The following ARID3B variants were observed in gnomAD, a reference collection of about 807,000 sequenced individuals.
The protein encoded by ARID3B is AT-rich interactive domain-containing protein 3B.
In ARID3B, 10 loss-of-function variants were observed where a neutral mutation model predicts 51.9. The observed-to-expected ratio is 0.19, with a 90% CI of 0.12 to 0.33. ARID3B has a LOEUF of 0.33. ARID3B is among the 10% of genes least tolerant of loss of function. The pLI is 1.00. For synonymous variants in ARID3B, 205 were observed against 279.5 expected, an observed-to-expected ratio of 0.73 and a Z score of 2.66; for missense variants, 483 against 716.3, an observed-to-expected ratio of 0.67 and a Z score of 3.72.
intron 4 of ARID3B, among the ~76,000 whole-genome samples, chr15:74,588,951 C>T (rs1258203253): frequency 1.3e-5 from 2 of 148,622 alleles, no homozygotes; most frequent in Admixed American, 6.8e-5. Context: ...GCGGGGCACA[C>T]GAGAGAGAAA....
rs1420119689 is a variant in ARID3B, at chr15:74,595,678, C to G, written c.1587C>G (p.Ser529Arg). The change falls in exon 9 of 9, where the codon AGC (serine) becomes AGG (arginine). Residue 529 changes from serine (S) to arginine (R), a missense_variant. By Grantham distance (110) the Ser-to-Arg change is moderately radical (BLOSUM62 -1). Transcript: ENST00000346246. The stretch of plus-strand genomic sequence containing the variant: ...GGTCTGCTCCCCAGAGCCTCGGCAG[C>G]AGCGCCAGCAGCAGCAGCAGCTCTC... ...ITGSAPQSLGSSASSSSSSHC... is the reference protein window; with the variant it reads ...ITGSAPQSLGRSASSSSSSHC... 6.2e-7 allele frequency: 1 copy of G among 1,613,296 alleles called. No individual in the cohort carries two copies. Among genetic ancestry groups the G allele is most frequent in the East Asian group, 2.2e-5 (1 of 44,874 alleles).
chr15:74,579,604 T>G lies in ARID3B; in HGVS notation c.697+6400T>G, dbSNP rs114535002. On this transcript the variant is annotated intron_variant, in intron 4 of 8. Transcript: ENST00000346246. ...AGAAGAAAAGCCCCTTTAGCAGTTT[T>G]CTATCAAAGTAATTGTATGAAACAT... Among the ~76,000 whole-genome samples the G allele has an allele frequency of 3.4e-3, 519 of 152,302 alleles. 4 individuals are homozygous for G. The highest frequency in any genetic ancestry group is 0.012 in the African/African-American group (494 of 41,568).
chr15:74,566,124 C>T (rs898278362), intron 2 of ARID3B, among the ~76,000 whole-genome samples: 1 of 152,152 alleles, frequency 6.6e-6, no homozygotes, highest in African/African-American at 2.4e-5. Context: ...TACTCTCCGT[C>T]TCCCCCAGTC....
chr15:74,551,749 C>A (rs1252915093), intron 2 of ARID3B, among the ~76,000 whole-genome samples: 1 of 152,150 alleles, frequency 6.6e-6, no homozygotes, highest in African/African-American at 2.4e-5. Flanking sequence ...CACATTATTG[C>A]CAGCTTTTTT....
chr15:74,598,008 G>A lies in ARID3B; in HGVS notation c.*2234G>A, dbSNP rs772701187. ...GGAAAAATGTGATAGCACATGGGTA[G>A]CCTAGGCAGTGAGTAAATACCTCAG... On this transcript the variant is annotated 3_prime_UTR_variant, in exon 9 of 9. Coordinates refer to ENST00000346246, the MANE Select transcript of ARID3B (RefSeq NM_006465.4). The A allele has an allele frequency of 8.3e-5, 44 of 531,484 alleles. No homozygotes were observed. The highest frequency in any genetic ancestry group is 4.5e-5 in the Admixed American group (2 of 44,850). 32.9% of individuals were successfully genotyped at this position (531,484 alleles called of 1,614,324 possible).
At chr15:74,582,516 G>A (rs1028203748) in intron 4 of ARID3B, among the ~76,000 whole-genome samples, 2 of 152,062 alleles carry the variant, frequency 1.3e-5, no homozygotes, top group East Asian at 3.9e-4. Flanking sequence ...TACATTTACC[G>A]TTGAACTTCA....
chr15:74,591,079 C>T lies in ARID3B; in HGVS notation c.882-72C>T. The T allele has an allele frequency of 6.6e-7, 1 of 1,522,936 alleles. No individual in the cohort carries two copies. Among genetic ancestry groups the T allele is most frequent in the Non-Finnish European group, 8.8e-7 (1 of 1,133,168 alleles). The allele number at this position is 1,522,936 out of a possible 1,614,324, so 94.3% of individuals were successfully genotyped here. On this transcript the variant is annotated intron_variant, in intron 5 of 8. Transcript: ENST00000346246. This position sits in a 1 kb window ranked among gnomAD's most constrained non-coding sequence, Gnocchi z 5.8. Reference sequence around the variant, plus strand: ...GCCCAACAGAGACTGCTTCCAGAGACCCACCAACCTCAACTGGGTGGTCTC... The same window carrying T: ...GCCCAACAGAGACTGCTTCCAGAGATCCACCAACCTCAACTGGGTGGTCTC...
chr15:74,589,526 A>ACG (rs1363613625), intron 4 of ARID3B, among the ~76,000 whole-genome samples: 2 of 152,180 alleles, frequency 1.3e-5, no homozygotes, highest in African/African-American at 4.8e-5. Flanking sequence ...AAAAACACAC[A>ACG]CACACGAACT....
chr15:74,548,499 T>C (rs1450864980), intron 2 of ARID3B, among the ~76,000 whole-genome samples: 4 of 152,106 alleles, frequency 2.6e-5, no homozygotes, highest in Non-Finnish European at 5.9e-5. Context: ...CTGGGAGCCA[T>C]TGCACAATAA....
intron 2 of ARID3B, among the ~76,000 whole-genome samples, chr15:74,554,451 C>T (rs945154368): frequency 2.6e-5 from 4 of 151,896 alleles, no homozygotes; most frequent in Non-Finnish European, 5.9e-5. Flanking sequence ...TACAAGCATG[C>T]GCTACCACAC....
intron 2 of ARID3B, among the ~76,000 whole-genome samples, chr15:74,562,114 C>T (rs527250555): frequency 8.6e-5 from 13 of 150,962 alleles, no homozygotes; most frequent in African/African-American, 2.7e-4. Context: ...AATGCATTTC[C>T]GACAACGGTA....
Position 74,567,602 on chromosome 15 carries a change from C to T in ARID3B, c.553-5260C>T, listed in dbSNP as rs929699735. ...CCACCCTGTCTCATGTTGGATTCCA[C>T]GCCATGACATGCCATACAGATAGTC... On this transcript the variant is annotated intron_variant, in intron 2 of 8. Coordinates refer to ENST00000346246, the MANE Select transcript of ARID3B (RefSeq NM_006465.4). Among the ~76,000 whole-genome samples the T allele has an allele frequency of 2.2e-4, 33 of 152,150 alleles. 1 individual carries two copies. The highest frequency in any genetic ancestry group is 7.3e-5 in the Non-Finnish European group (5 of 68,030).
intron 2 of ARID3B, among the ~76,000 whole-genome samples, chr15:74,565,482 C>T (rs1338347311): frequency 2.0e-5 from 3 of 152,164 alleles, no homozygotes. Context: ...TTAGCTCAGC[C>T]CCTGGGCTTT....
intron 2 of ARID3B, among the ~76,000 whole-genome samples, chr15:74,559,315 GTGTT>G (rs1418982798): frequency 1.3e-5 from 2 of 152,250 alleles, no homozygotes; most frequent in African/African-American, 4.8e-5. Context: ...AACGGGTAGA[GTGTT>G]AAATGTTATC....
intron 4 of ARID3B, among the ~76,000 whole-genome samples, chr15:74,581,531 A>G (rs904337939): frequency 6.6e-5 from 10 of 152,200 alleles, no homozygotes; most frequent in Non-Finnish European, 8.8e-5. Flanking sequence ...TCCCGAAATG[A>G]AAGTCTAAAA....
intron 4 of ARID3B, among the ~76,000 whole-genome samples, chr15:74,587,567 G>A (rs1318324755): frequency 6.6e-6 from 1 of 152,188 alleles, no homozygotes; most frequent in African/African-American, 2.4e-5. Flanking sequence ...AGGAGCTTCC[G>A]GAAATGTGAG....
intron 2 of ARID3B, among the ~76,000 whole-genome samples, chr15:74,566,022 A>T (rs1422712330): frequency 6.6e-6 from 1 of 152,132 alleles, no homozygotes; most frequent in East Asian, 1.9e-4. Context: ...TCACTATAAG[A>T]ATTCAGATTA....
intron 2 of ARID3B, among the ~76,000 whole-genome samples, chr15:74,567,683 T>C (rs1434868846): frequency 6.6e-6 from 1 of 152,144 alleles, no homozygotes; most frequent in Non-Finnish European, 1.5e-5. Flanking sequence ...TACCAGGCAG[T>C]TCTACTTGTT....
chr15:74,548,090 A>C (rs892415163), intron 2 of ARID3B, among the ~76,000 whole-genome samples: 4 of 152,228 alleles, frequency 2.6e-5, no homozygotes, highest in Non-Finnish European at 5.9e-5. Flanking sequence ...CCATTGAGCC[A>C]AGTGTTCTAA....
Sources: gnomAD v4.1 joint callset for allele counts (sites outside exome capture counted in the v4.1 genomes callset) on GRCh38, gnomAD v4.1.1 for gene constraint, Gnocchi (gnomAD v3.1) non-coding constraint, MANE v1.5 for transcripts, NCBI Gene and HGNC (gene_info 2026-07-23, HGNC 2026-07-21) for gene names.